MYH14: variants seen among roughly 807,000 people sequenced by gnomAD.
MYH14 encodes myosin-14.
A neutral mutation model predicts 255.5 loss-of-function variants in MYH14; 123 were observed. The observed-to-expected ratio is 0.48, with a 90% CI of 0.42 to 0.56. MYH14 has a LOEUF of 0.56. MYH14 is among the 20% of genes least tolerant of loss of function. The pLI is 0.00. For synonymous variants in MYH14, 1,095 were observed against 1,161.2 expected (o/e 0.94, Z 1.16); for missense variants, 2,423 against 2,802.3 (o/e 0.86, Z 3.06).
rs753740443 is a variant in MYH14, at chr19:50,309,625, C to G, written c.5961-15C>G. ...CCTCATTTCATCTCTGTATCCTGGTCTCTCCTCCCCACAGACGCGGCCCCC... is the reference window on the plus strand; with the variant it reads ...CCTCATTTCATCTCTGTATCCTGGTGTCTCCTCCCCACAGACGCGGCCCCC... On this transcript the variant is annotated splice_polypyrimidine_tract_variant and intron_variant, in intron 42 of 42. Transcript: ENST00000642316. 5.8e-6 allele frequency: 9 copies of G among 1,540,750 alleles called. No individual in the cohort carries two copies. Among genetic ancestry groups the G allele is most frequent in the Non-Finnish European group, 7.9e-6 (9 of 1,135,902 alleles).
chr19:50,231,354 AG>A (rs755038918), intron 9 of MYH14, among the ~76,000 whole-genome samples: 16 of 152,208 alleles, frequency 1.1e-4, no homozygotes, highest in Non-Finnish European at 2.1e-4. Context: ...TCTGCCAACC[AG>A]TGGCCCCTGC....
At chr19:50,290,303 T>C (rs1004097073) in intron 35 of MYH14, among the ~76,000 whole-genome samples, 3 of 152,178 alleles carry the variant, frequency 2.0e-5, no homozygotes, top group Admixed American at 6.5e-5. Flanking sequence ...GCTCCCTCGC[T>C]TCCTTGTTTG....
intron 23 of MYH14, among the ~76,000 whole-genome samples, chr19:50,267,626 T>A (rs747734843): frequency 2.7e-5 from 4 of 149,140 alleles, no homozygotes; most frequent in African/African-American, 7.3e-5. Flanking sequence ...GTCTCAAAAA[T>A]AATAATAATA....
chr19:50,232,709 G>A (rs529187067), intron 10 of MYH14, among the ~76,000 whole-genome samples: 21 of 152,004 alleles, frequency 1.4e-4, no homozygotes, highest in African/African-American at 4.6e-4. Context: ...AGATGGGGAT[G>A]TTTGAACGAA....
Position 50,310,188 on chromosome 19 carries a change from T to G in MYH14, c.*398T>G. On this transcript the variant is annotated 3_prime_UTR_variant, in exon 43 of 43. Coordinates refer to ENST00000642316, the MANE Select transcript of MYH14 (RefSeq NM_001145809.2). ...CCCTCTGCTTCTCTCTCTCTCTCTC[T>G]CTCTCCCTCCCTCTCCTTCCCTACC... 1 of 281,140 alleles carries G rather than the reference T, an allele frequency of 3.6e-6. No individual in the cohort carries two copies. 17.4% of individuals were successfully genotyped at this position (281,140 alleles called of 1,614,324 possible).
intron 1 of MYH14, among the ~76,000 whole-genome samples, 178 bp from the exon 2 acceptor site, chr19:50,210,185 C>T (rs373549096): frequency 8.6e-4 from 129 of 149,716 alleles, no homozygotes; most frequent in African/African-American, 3.1e-3. Context: ...GAATGAGTGC[C>T]TAGAGAGGTG....
At chr19:50,258,741 A>AAAAAAAAAAAAAAAAAAAC (rs761216499) in intron 18 of MYH14, 22 of 145,600 alleles carry the variant, frequency 1.5e-4, no homozygotes, top group African/African-American at 5.9e-4. Flanking sequence ...AAAAAAAAAA[A>AAAAAAAAAAAAAAAAAAAC]AAACGAACAA....
In MYH14 at chr19:50,307,082, A is replaced by T; in HGVS notation, c.5712A>T (p.Arg1904Ser). Residue 1904 changes from arginine (R) to serine (S), a missense_variant, in exon 41 of 43, where the codon AGA (arginine) becomes AGT (serine). This residue lies in a region of MYH14 where 1,513 missense variants were observed against 1,674.8 expected (regional missense o/e 0.90). Coordinates refer to ENST00000642316, the MANE Select transcript of MYH14 (RefSeq NM_001145809.2). ...TCCTCTCTGGAAAGCTGGTGCGCAG[A>T]GCTGAGAAGCGGCTTAAAGAGGTGG... is the stretch of plus-strand genomic sequence containing the variant. ...ERILSGKLVR[R>S]AEKRLKEVVL... 6.4e-7 allele frequency: 1 copy of T among 1,551,178 alleles called. No homozygotes were observed.
At chr19:50,210,287 G>T in intron 1 of MYH14, 76 bp from the exon 2 acceptor site, 1 of 1,367,412 alleles carries the variant, frequency 7.3e-7, no homozygotes, top group South Asian at 1.4e-5. Context: ...GGCTGCCTGG[G>T]GAATTTGGGG....
At chr19:50,241,024 T>C (rs1248695639) in intron 10 of MYH14, among the ~76,000 whole-genome samples, 6 of 152,084 alleles carry the variant, frequency 3.9e-5, no homozygotes, top group Admixed American at 2.0e-4. Context: ...GGTTGTGGTA[T>C]GGAGGAAGTG....
Position 50,280,443 on chromosome 19 carries a change from G to A in MYH14, c.4290+60G>A. On this transcript the variant is annotated intron_variant, in intron 32 of 42. Coordinates refer to ENST00000642316, the MANE Select transcript of MYH14 (RefSeq NM_001145809.2). This position sits in a 1 kb window ranked among gnomAD's most constrained non-coding sequence, Gnocchi z 4.8. ...CAGCCCCCCTCACTGCTCCTCCTGG[G>A]TTCCCCAGCTCAGGGATGGCCATGC... The A allele has an allele frequency of 6.8e-7, 1 of 1,462,036 alleles. No individual in the cohort carries two copies. Among genetic ancestry groups the A allele is most frequent in the Non-Finnish European group, 9.1e-7 (1 of 1,099,652 alleles). 90.6% of individuals were successfully genotyped at this position (1,462,036 alleles called of 1,614,324 possible).
intron 3 of MYH14, among the ~76,000 whole-genome samples, chr19:50,220,149 C>T (rs913952712): frequency 3.3e-5 from 5 of 152,152 alleles, no homozygotes; most frequent in East Asian, 1.9e-4. Context: ...TCGCCATTTC[C>T]GTCCCGCACC....
At chr19:50,217,069 A>G (rs2032520364) in intron 2 of MYH14, among the ~76,000 whole-genome samples, 1 of 151,834 alleles carries the variant, frequency 6.6e-6, no homozygotes, top group African/African-American at 2.4e-5. Flanking sequence ...TCGGCTTCCC[A>G]AAGTGCTGGG....
intron 39 of MYH14, among the ~76,000 whole-genome samples, chr19:50,296,334 G>A (rs762266151): frequency 1.3e-5 from 2 of 152,094 alleles, no homozygotes; most frequent in South Asian, 2.1e-4. Context: ...CTGGCTGGGC[G>A]CAGTGGCTCA....
intron 40 of MYH14, 21 bp downstream of exon 40, chr19:50,301,890 C>A: frequency 6.3e-7 from 1 of 1,584,914 alleles, no homozygotes; most frequent in Non-Finnish European, 8.6e-7. Flanking sequence ...GCGGAGGCCA[C>A]AGGAGAAAGG....
chr19:50,247,084 G>A lies in MYH14; in HGVS notation c.1291G>A (p.Gly431Ser). 6.2e-7 allele frequency: 1 copy of A among 1,613,502 alleles called. No homozygotes were observed. The highest frequency in any genetic ancestry group is 8.5e-7 in the Non-Finnish European group (1 of 1,179,736). Residue 431 changes from glycine (G) to serine (S), a missense_variant, in exon 12 of 43, where the codon GGC becomes AGC. Coordinates refer to ENST00000642316, the MANE Select transcript of MYH14 (RefSeq NM_001145809.2). ...RALLTPRIKV[G>S]RDYVQKAQTK... ...CTTGCTCACCCCTCGCATCAAAGTT[G>A]GCCGAGACTATGTGCAGAAAGCCCA... is the stretch of plus-strand genomic sequence containing the variant.
Position 50,271,470 on chromosome 19 carries a change from T to C in MYH14, c.3095T>C (p.Val1032Ala). The C allele has an allele frequency of 6.2e-7, 1 of 1,608,004 alleles. No individual in the cohort carries two copies. Among genetic ancestry groups the C allele is most frequent in the Non-Finnish European group, 8.5e-7 (1 of 1,177,364 alleles). The change falls in exon 25 of 43, where the codon GTG (valine) becomes GCG (alanine). Residue 1032 changes from valine (V) to alanine (A), a missense_variant. Coordinates refer to ENST00000642316, the MANE Select transcript of MYH14 (RefSeq NM_001145809.2). ...CGGCAGAAGCTGCAGCTGGAGAAGGTGACGACAGAGGCAAAAATGAAGAAA... is the reference window on the plus strand; with the variant it reads ...CGGCAGAAGCTGCAGCTGGAGAAGGCGACGACAGAGGCAAAAATGAAGAAA... ...GARQKLQLEK[V>A]TTEAKMKKFE...
chr19:50,274,264 C>A (rs564348813), intron 27 of MYH14, among the ~76,000 whole-genome samples: 3 of 152,210 alleles, frequency 2.0e-5, no homozygotes, highest in African/African-American at 7.2e-5. Flanking sequence ...ATTCACAATG[C>A]TGTGTAACCA....
intron 1 of MYH14, among the ~76,000 whole-genome samples, chr19:50,209,989 T>C (rs1469530251): frequency 6.8e-6 from 1 of 146,310 alleles, no homozygotes; most frequent in African/African-American, 2.5e-5. Flanking sequence ...TCCCAGCTAC[T>C]TGGGAGGCTG....
Sources: gnomAD v4.1 joint callset for allele counts (sites outside exome capture counted in the v4.1 genomes callset) on GRCh38, gnomAD v4.1.1 for gene constraint, gnomAD v4.1.1 regional missense constraint, Gnocchi (gnomAD v3.1) non-coding constraint, MANE v1.5 for transcripts, NCBI Gene and HGNC (gene_info 2026-07-23, HGNC 2026-07-21) for gene names.